The following STK3 variants were observed in gnomAD, a reference collection of about 807,000 sequenced individuals.
The protein encoded by STK3 is serine/threonine-protein kinase 3.
A neutral mutation model predicts 58.0 loss-of-function variants in STK3; 41 were observed. The observed-to-expected ratio is 0.71, with a 90% CI of 0.55 to 0.92. STK3 has a LOEUF of 0.92. Ranked by LOEUF, STK3 falls within the 40% of genes least tolerant of loss-of-function variation. STK3 has a pLI of 0.00. For missense variants in STK3, 479 were observed against 602.7 expected (o/e 0.79, Z 2.15); for synonymous variants, 170 against 191.0 (o/e 0.89, Z 0.91).
chr8:98,862,724 C>T (rs1457785875), intron 3 of STK3, among the ~76,000 whole-genome samples: 1 of 152,150 alleles, frequency 6.6e-6, no homozygotes, highest in African/African-American at 2.4e-5. Flanking sequence ...GAAAGGAGGG[C>T]GCTGGTATCA....
intron 1 of STK3, among the ~76,000 whole-genome samples, chr8:98,815,841 T>C (rs530837118): frequency 6.6e-6 from 1 of 152,314 alleles, no homozygotes; most frequent in Non-Finnish European, 1.5e-5. Flanking sequence ...TATAAAAACA[T>C]TCCAATTAAT....
intron 3 of STK3, among the ~76,000 whole-genome samples, chr8:98,837,943 A>C (rs997038148): frequency 6.6e-6 from 1 of 151,890 alleles, no homozygotes; most frequent in Non-Finnish European, 1.5e-5. Context: ...AAATAAGTAA[A>C]TTAGTCTTGG....
At chr8:98,628,420 A>G (rs1175832709) in intron 6 of STK3, among the ~76,000 whole-genome samples, 2 of 152,194 alleles carry the variant, frequency 1.3e-5, no homozygotes, top group Non-Finnish European at 2.9e-5. Context: ...CCTGAAGCAG[A>G]AAGAATTTTA....
At chr8:98,869,162 C>G (rs531030283) in intron 3 of STK3, among the ~76,000 whole-genome samples, 1 of 151,728 alleles carries the variant, frequency 6.6e-6, no homozygotes, top group African/African-American at 2.4e-5. Flanking sequence ...GGCTCTTGCC[C>G]GTAGTCCCAG....
chr8:98,416,364 G>GTTTTTTTTTTTTTTT (rs57447680), intron 3 of STK3, among the ~76,000 whole-genome samples: 2 of 79,532 alleles, frequency 2.5e-5, no homozygotes, highest in Non-Finnish European at 4.7e-5. Context: ...GTTTGAAACT[G>GTTTTTTTTTTTTTTT]TTTTTTTTTT....
chr8:98,663,534 A>G (rs191494942), intron 6 of STK3, among the ~76,000 whole-genome samples: 427 of 152,278 alleles, frequency 2.8e-3, no homozygotes, highest in Non-Finnish European at 4.4e-3. Context: ...TATACCCAAA[A>G]GATTATAAAT....
At chr8:98,538,116 T>G (rs559848680) in intron 9 of STK3, among the ~76,000 whole-genome samples, 212 of 152,310 alleles carry the variant, frequency 1.4e-3, no homozygotes, top group African/African-American at 4.3e-3. Context: ...ATCATAACTT[T>G]AGTAAAGTAT....
At chr8:98,505,712 T>C (rs189029100) in intron 10 of STK3, among the ~76,000 whole-genome samples, 1 of 152,306 alleles carries the variant, frequency 6.6e-6, no homozygotes, top group East Asian at 1.9e-4. Flanking sequence ...TGCCTGGGTA[T>C]CACCAGTGGA....
At chr8:98,593,791 T>C (rs1201816341) in intron 7 of STK3, among the ~76,000 whole-genome samples, 2 of 152,034 alleles carry the variant, frequency 1.3e-5, no homozygotes, top group African/African-American at 2.4e-5. Flanking sequence ...CTAATTTAAA[T>C]CATAACAGAT....
chr8:98,775,077 T>C (rs1477013779), intron 1 of STK3, among the ~76,000 whole-genome samples: 1 of 152,140 alleles, frequency 6.6e-6, no homozygotes, highest in Non-Finnish European at 1.5e-5. Context: ...TCTTAATTCC[T>C]CCCCTTTGAA....
At chr8:98,485,447 CCTT>C (rs374558470) in intron 10 of STK3, among the ~76,000 whole-genome samples, 8 of 152,260 alleles carry the variant, frequency 5.3e-5, no homozygotes, top group African/African-American at 1.9e-4. Context: ...AGAAGACAGT[CCTT>C]CTTCTCAAAG....
intron 9 of STK3, among the ~76,000 whole-genome samples, chr8:98,541,511 T>G (rs969440656): frequency 6.6e-6 from 1 of 152,184 alleles, no homozygotes; most frequent in African/African-American, 2.4e-5. Flanking sequence ...CCCCTTTTCT[T>G]TATATATTAC....
At chr8:98,858,907 A>G (rs554550986) in intron 3 of STK3, among the ~76,000 whole-genome samples, 3 of 152,018 alleles carry the variant, frequency 2.0e-5, no homozygotes, top group South Asian at 4.1e-4. Flanking sequence ...TAAAAAAAAA[A>G]AAAAAAAAAG....
chr8:98,709,025 G>C (rs1407418072), intron 4 of STK3, among the ~76,000 whole-genome samples: 1 of 151,976 alleles, frequency 6.6e-6, no homozygotes, highest in Non-Finnish European at 1.5e-5. Context: ...GCTGCAAGGA[G>C]AGAGGGGGTA....
chr8:98,373,255 G>A (rs767298876), intron 2 of STK3, among the ~76,000 whole-genome samples: 5 of 152,048 alleles, frequency 3.3e-5, no homozygotes, highest in Non-Finnish European at 5.9e-5. Context: ...TTCTGTGTCC[G>A]AGCCAGATGA....
intron 8 of STK3, among the ~76,000 whole-genome samples, chr8:98,562,737 G>GAAGA: frequency 5.8e-5 from 1 of 17,386 alleles, no homozygotes; most frequent in East Asian, 2.2e-3. Flanking sequence ...CACAAAAAAT[G>GAAGA]AAAAAAAAAA....
chr8:98,771,571 C>G (rs915465312), intron 2 of STK3, among the ~76,000 whole-genome samples: 2 of 146,994 alleles, frequency 1.4e-5, no homozygotes, highest in South Asian at 4.3e-4. Context: ...ATATACGTAT[C>G]TTTTTTTTTT....
At chr8:98,925,497 G>A (rs1317285511) in intron 1 of STK3, among the ~76,000 whole-genome samples, 1 of 152,164 alleles carries the variant, frequency 6.6e-6, no homozygotes, top group African/African-American at 2.4e-5. Flanking sequence ...TTTACCTGAG[G>A]GACTCAGGTT....
chr8:98,873,933 A>G (rs1033800788), intron 3 of STK3, among the ~76,000 whole-genome samples: 8 of 152,142 alleles, frequency 5.3e-5, no homozygotes, highest in Admixed American at 5.2e-4. Context: ...GTTTCTTCCC[A>G]GTATCAATGG....
Sources: allele counts gnomAD v4.1 joint callset (sites outside exome capture counted in the v4.1 genomes callset), GRCh38; gene constraint gnomAD v4.1.1; transcripts MANE v1.5; gene names NCBI Gene and HGNC (gene_info 2026-07-23, HGNC 2026-07-21).